The following INTU variants were observed in gnomAD, a reference collection of about 807,000 sequenced individuals.
The protein encoded by INTU is protein inturned.
Under a neutral mutation model 100.5 loss-of-function variants are expected in INTU, and 68 were observed. The observed-to-expected ratio is 0.68, with a 90% CI of 0.56 to 0.83. The LOEUF is 0.83. INTU is among the 40% of genes least tolerant of loss of function. INTU has a pLI of 0.00. For synonymous variants in INTU, 357 were observed against 395.7 expected, an observed-to-expected ratio of 0.90 and a Z score of 1.16; for missense variants, 1,071 against 1,114.7, an observed-to-expected ratio of 0.96 and a Z score of 0.56.
chr4:127,682,875 T>A (rs1729645143), intron 6 of INTU, among the ~76,000 whole-genome samples: 1 of 152,314 alleles, frequency 6.6e-6, no homozygotes, highest in South Asian at 2.1e-4. Context: ...TCTTTAAGAC[T>A]TTTGTAGCAG....
chr4:127,667,582 A>T (rs72616925), intron 4 of INTU, among the ~76,000 whole-genome samples: 4,653 of 152,200 alleles, frequency 0.031, 309 homozygotes, highest in East Asian at 0.27. Flanking sequence ...ATTTCGAAAA[A>T]CTATTCAAAG....
chr4:127,725,327 A>G lies in INTU; in HGVS notation c.*8891A>G, dbSNP rs1177261841. On this transcript the variant is annotated 3_prime_UTR_variant, in exon 16 of 16. Transcript: ENST00000335251. ...TGTTTAAAAAACAAAAAAGCTTGAA[A>G]TACCTTCCCCTTAAGATCACAATAT... 6.6e-6 allele frequency: 1 copy of G among 152,022 alleles called. No homozygotes were observed. The highest frequency in any genetic ancestry group is 2.4e-5 in the African/African-American group (1 of 41,408). The allele number at this position is 152,022 out of a possible 1,614,324, so 9.4% of individuals were successfully genotyped here.
intron 2 of INTU, among the ~76,000 whole-genome samples, chr4:127,652,714 A>G (rs1490825419): frequency 7.9e-6 from 1 of 125,882 alleles, no homozygotes; most frequent in East Asian, 2.3e-4. Context: ...CGGCTTTGGT[A>G]TCAGAATGAT....
At chr4:127,716,279 T>C (rs777776728) in intron 15 of INTU, 46 bp from the exon 16 acceptor site, 5 of 894,204 alleles carry the variant, frequency 5.6e-6, no homozygotes, top group Non-Finnish European at 8.5e-6. Flanking sequence ...GTTTTTGTTG[T>C]TTGTTGTTTT....
chr4:127,653,040 T>G (rs1727975965), intron 2 of INTU, among the ~76,000 whole-genome samples: 1 of 151,826 alleles, frequency 6.6e-6, no homozygotes, highest in Non-Finnish European at 1.5e-5. Flanking sequence ...TGATGGTAGT[T>G]TGTATTTCTG....
intron 1 of INTU, among the ~76,000 whole-genome samples, chr4:127,638,845 C>A (rs1727186494): frequency 6.6e-6 from 1 of 152,026 alleles, no homozygotes; most frequent in South Asian, 2.1e-4. Context: ...AATTGAAAAA[C>A]ATTTACACAA....
In INTU at chr4:127,653,700, T is replaced by C. The variant is rs1451729690; in HGVS notation, c.683-2936T>C. On this transcript the variant is annotated intron_variant, in intron 2 of 15. Transcript: ENST00000335251. ...GTGCTGAAAAAAATGTATATTCTGT[T>C]GATTTGGGGTGGAGAGTTCTGTAGA... 2.7e-5 allele frequency among the ~76,000 whole-genome samples: 4 copies of C among 150,090 alleles called. 1 individual carries two copies. The South Asian group carries it at 6.3e-4, about 24-fold the overall frequency.
At chr4:127,682,511 C>T (rs1296128542) in intron 6 of INTU, among the ~76,000 whole-genome samples, 7 of 147,154 alleles carry the variant, frequency 4.8e-5, no homozygotes, top group African/African-American at 1.0e-4. Flanking sequence ...AACCAAACAC[C>T]GCATATTCTC....
intron 2 of INTU, among the ~76,000 whole-genome samples, chr4:127,651,294 G>A (rs10023894): frequency 0.55 from 84,065 of 151,944 alleles, 23,716 homozygotes; most frequent in African/African-American, 0.65. Flanking sequence ...GTCCTTACCC[G>A]TGCCTATGTC....
At chr4:127,668,820 T>C (rs1201383794) in intron 4 of INTU, among the ~76,000 whole-genome samples, 4 of 151,906 alleles carry the variant, frequency 2.6e-5, no homozygotes, top group Non-Finnish European at 5.9e-5. Context: ...ATGACTAATT[T>C]CGGCAGTCTC....
intron 3 of INTU, among the ~76,000 whole-genome samples, chr4:127,660,293 G>A (rs1245106091): frequency 2.6e-5 from 4 of 152,188 alleles, no homozygotes; most frequent in Non-Finnish European, 5.9e-5. Flanking sequence ...ACTCAGTGAG[G>A]TGGCCCAAGA....
intron 5 of INTU, among the ~76,000 whole-genome samples, chr4:127,673,563 T>C (rs950189224): frequency 1.4e-4 from 22 of 151,778 alleles, no homozygotes; most frequent in African/African-American, 4.1e-4. Context: ...TTTTTTTTTT[T>C]CTATAATAGG....
Position 127,687,835 on chromosome 4 carries a change from G to T in INTU, c.1417G>T (p.Val473Phe). Reference protein sequence around the residue: ...SAVLLDNLPGVRWLTLPLEIK... With the variant: ...SAVLLDNLPGFRWLTLPLEIK... ...AGTACTTTTAGACAACCTCCCTGGA[G>T]TCCGGTGGCTCACACTTCCACTGGA... Residue 473 changes from valine (V) to phenylalanine (F), a missense_variant, in exon 8 of 16, where the codon GTC (valine) becomes TTC (phenylalanine). By Grantham distance (50) the Val-to-Phe change is conservative. Transcript: ENST00000335251. The T allele has an allele frequency of 6.3e-7, 1 of 1,593,812 alleles. No individual in the cohort carries two copies. Among genetic ancestry groups the T allele is most frequent in the Non-Finnish European group, 8.6e-7 (1 of 1,167,242 alleles).
chr4:127,646,493 T>G (rs1727594596), intron 2 of INTU, among the ~76,000 whole-genome samples: 1 of 152,192 alleles, frequency 6.6e-6, no homozygotes, highest in Non-Finnish European at 1.5e-5. Context: ...GTTTTTCTTT[T>G]TGTGATATTA....
intron 15 of INTU, among the ~76,000 whole-genome samples, chr4:127,715,625 C>T (rs753375303): frequency 1.1e-4 from 16 of 151,992 alleles, no homozygotes; most frequent in Non-Finnish European, 7.4e-5. Context: ...AAACAGGGAG[C>T]GCCAATGGAA....
Position 127,722,003 on chromosome 4 carries a change from C to T in INTU, c.*5567C>T, listed in dbSNP as rs182677543. ...GCCTCAGCCCAGTTCTGTGCCCTTG[C>T]TAGAGACATGTTGCAATCTTTTGGA... On this transcript the variant is annotated 3_prime_UTR_variant, in exon 16 of 16. Transcript: ENST00000335251. 6.6e-6 allele frequency: 1 copy of T among 152,342 alleles called. No individual in the cohort carries two copies. Among genetic ancestry groups the T allele is most frequent in the Admixed American group, 6.5e-5 (1 of 15,302 alleles). The allele number at this position is 152,342 out of a possible 1,614,324, so 9.4% of individuals were successfully genotyped here.
In INTU at chr4:127,719,391, T is replaced by A. The variant is rs1448417140; in HGVS notation, c.*2955T>A. ...CTGCTGGATTCAGTTTGCCAGTGTT[T>A]TATTGAGAATTTTTACATTGATGTT... is the stretch of plus-strand genomic sequence containing the variant. On this transcript the variant is annotated 3_prime_UTR_variant, in exon 16 of 16. Transcript: ENST00000335251. The A allele has an allele frequency of 3.3e-5, 5 of 152,230 alleles. No homozygotes were observed. Among genetic ancestry groups the A allele is most frequent in the African/African-American group, 1.2e-4 (5 of 41,460 alleles). 9.4% of individuals were successfully genotyped at this position (152,230 alleles called of 1,614,324 possible).
chr4:127,641,791 A>G (rs969141876), intron 1 of INTU, among the ~76,000 whole-genome samples: 13 of 152,148 alleles, frequency 8.5e-5, no homozygotes, highest in Non-Finnish European at 1.3e-4. Flanking sequence ...TAGTTGCTCC[A>G]CAATTGAATG....
Position 127,643,999 on chromosome 4 carries a change from G to A in INTU, c.625G>A (p.Val209Met), listed in dbSNP as rs61744998. 4.1e-5 allele frequency: 66 copies of A among 1,614,092 alleles called. No individual in the cohort carries two copies. In the African/African-American group the frequency reaches 8.0e-4, roughly 20 times the overall value. Residue 209 changes from valine to methionine, a missense_variant, in exon 2 of 16, where the codon GTG becomes ATG. By Grantham distance (21) the Val-to-Met change is conservative. Coordinates refer to ENST00000335251, the MANE Select transcript of INTU (RefSeq NM_015693.4). The part of the protein sequence containing the change: ...TGKQGDGERL[V>M]VHGLLPGGSA... ...AAAGCAGGGTGATGGAGAGAGGCTT[G>A]TGGTTCATGGCCTGCTGCCAGGGGG...
Sources: allele counts gnomAD v4.1 joint callset (sites outside exome capture counted in the v4.1 genomes callset), GRCh38; gene constraint gnomAD v4.1.1; transcripts MANE v1.5; gene names NCBI Gene and HGNC (gene_info 2026-07-23, HGNC 2026-07-21).